The following LCLAT1 variants were observed in gnomAD, a reference collection of about 807,000 sequenced individuals.
LCLAT1 encodes the protein lysocardiolipin acyltransferase 1, also known as 1-AGP acyltransferase 8.
A neutral mutation model predicts 30.7 loss-of-function variants in LCLAT1; 11 were observed. That is an observed-to-expected ratio of 0.36 (90% CI 0.23 to 0.59). LCLAT1 has a LOEUF of 0.59. LCLAT1 is among the 20% of genes least tolerant of loss of function. The probability of loss-of-function intolerance (pLI) is 0.77; values close to 1 mark genes in which losing one functional copy is unlikely to be tolerated. For missense variants in LCLAT1, 402 were observed against 458.6 expected (o/e 0.88, Z 1.13); for synonymous variants, 155 against 151.3 (o/e 1.02, Z -0.18).
chr2:30,568,981 T>C (rs933205734), intron 5 of LCLAT1, among the ~76,000 whole-genome samples: 2 of 151,480 alleles, frequency 1.3e-5, no homozygotes, highest in Non-Finnish European at 2.9e-5. Flanking sequence ...TAGAGAAATA[T>C]AACGATCTGA....
At chr2:30,573,772 ATCT>A (rs1665881895) in intron 5 of LCLAT1, among the ~76,000 whole-genome samples, 1 of 152,068 alleles carries the variant, frequency 6.6e-6, no homozygotes, top group South Asian at 2.1e-4. Context: ...TTAGTTGTTT[ATCT>A]TCTTCACTGT....
Position 30,568,099 on chromosome 2 carries a change from ATGGAC to A in LCLAT1, c.553_557del (p.Gly185SerfsTer4). ...CGAAGTAATGCATTTGCTGAAAAAA[ATGGAC>A]TTCAGAAATATGAATATGTTTTACA... On this transcript the variant is annotated frameshift_variant, in exon 5 of 6. Transcript: ENST00000379509. LOFTEE classifies it high-confidence loss of function. 1 of 1,607,390 alleles carries A rather than the reference ATGGAC, an allele frequency of 6.2e-7. No homozygotes were observed. The highest frequency in any genetic ancestry group is 8.5e-7 in the Non-Finnish European group (1 of 1,175,930).
At chr2:30,532,983 A>G (rs548005399) in intron 2 of LCLAT1, 133 bp from the exon 3 acceptor site, 1 of 654,478 alleles carries the variant, frequency 1.5e-6, no homozygotes, top group Admixed American at 2.8e-5. Context: ...ATTTTTTATT[A>G]TAGAAGCAAG....
chr2:30,572,325 A>G (rs903276762), intron 5 of LCLAT1, among the ~76,000 whole-genome samples: 1 of 152,204 alleles, frequency 6.6e-6, no homozygotes, highest in African/African-American at 2.4e-5. Context: ...ACACTTATCA[A>G]GTTCTTCTTA....
chr2:30,581,686 T>C (rs1666218877), intron 5 of LCLAT1, among the ~76,000 whole-genome samples: 1 of 152,134 alleles, frequency 6.6e-6, no homozygotes, highest in South Asian at 2.1e-4. Flanking sequence ...ATGGTCTCAC[T>C]TATATGTGGA....
At chr2:30,583,843 T>C (rs1666309411) in intron 5 of LCLAT1, among the ~76,000 whole-genome samples, 1 of 152,110 alleles carries the variant, frequency 6.6e-6, no homozygotes, top group Non-Finnish European at 1.5e-5. Context: ...TTTGGTTTGG[T>C]TTTTTTCATG....
intron 5 of LCLAT1, among the ~76,000 whole-genome samples, chr2:30,596,536 G>A (rs2266377): frequency 0.86 from 130,523 of 151,032 alleles, 56,674 homozygotes; most frequent in East Asian, 0.94. Flanking sequence ...TTGACTCTGA[G>A]TATTAGACCT....
chr2:30,561,044 C>T (rs1434228978), intron 3 of LCLAT1, among the ~76,000 whole-genome samples: 1 of 152,186 alleles, frequency 6.6e-6, no homozygotes, highest in Non-Finnish European at 1.5e-5. Flanking sequence ...CGGGTTCAAG[C>T]GATTCTCCTG....
intron 5 of LCLAT1, among the ~76,000 whole-genome samples, chr2:30,616,774 C>G (rs548106254): frequency 9.2e-5 from 14 of 151,448 alleles, no homozygotes; most frequent in African/African-American, 3.4e-4. Context: ...AAAAGCTTGT[C>G]GGATATGTTA....
intron 5 of LCLAT1, among the ~76,000 whole-genome samples, chr2:30,579,058 C>G (rs1349045165): frequency 6.6e-6 from 1 of 152,092 alleles, no homozygotes; most frequent in African/African-American, 2.4e-5. Context: ...GAAAGGGTCT[C>G]TGTTGCCACG....
At chr2:30,551,209 A>C (rs1664661965) in intron 3 of LCLAT1, among the ~76,000 whole-genome samples, 1 of 152,080 alleles carries the variant, frequency 6.6e-6, no homozygotes, top group Non-Finnish European at 1.5e-5. Flanking sequence ...GTATCGCTAC[A>C]TTGCCCAGGT....
rs1397615940 is a variant in LCLAT1 at position 30,614,119 on chromosome 2, C to T, written c.629-25998C>T. ...GAAACCTTGGACAATACCTGGCTTT[C>T]CTAGGCAGAGGTCCCTGCGGCCTTC... is the stretch of plus-strand genomic sequence containing the variant. On this transcript the variant is annotated intron_variant, in intron 5 of 5. Coordinates refer to ENST00000379509, the MANE Select transcript of LCLAT1 (RefSeq NM_001002257.3). Among the ~76,000 whole-genome samples, 241 of 25,796 alleles carry T rather than the reference C, an allele frequency of 9.3e-3. 6 individuals are homozygous for T. Among genetic ancestry groups the T allele is most frequent in the African/African-American group, 0.037 (221 of 6,054 alleles). The allele number at this position is 25,796 out of a possible 152,430, so 16.9% of individuals were successfully genotyped here.
intron 3 of LCLAT1, among the ~76,000 whole-genome samples, chr2:30,554,483 G>T (rs1298193052): frequency 1.3e-5 from 2 of 152,208 alleles, no homozygotes; most frequent in East Asian, 3.8e-4. Context: ...TCTGGTGTCA[G>T]ACTGCCTGTG....
At chr2:30,459,753 G>T in intron 1 of LCLAT1, 1 of 1,479,488 alleles carries the variant, frequency 6.8e-7, no homozygotes, top group Non-Finnish European at 9.4e-7. Flanking sequence ...AGATGCTTGA[G>T]GTTTTTGTCT....
At chr2:30,634,348 A>G (rs1314216155) in intron 5 of LCLAT1, among the ~76,000 whole-genome samples, 1 of 152,200 alleles carries the variant, frequency 6.6e-6, no homozygotes, top group Non-Finnish European at 1.5e-5. Flanking sequence ...CCATCTGGCC[A>G]TGCGCGGCGG....
chr2:30,618,206 G>C (rs866655459), intron 5 of LCLAT1, among the ~76,000 whole-genome samples: 1 of 152,038 alleles, frequency 6.6e-6, no homozygotes, highest in Non-Finnish European at 1.5e-5. Flanking sequence ...CTAATGCCAA[G>C]CCTCCATCTT....
intron 3 of LCLAT1, 32 bp from the exon 4 acceptor site, chr2:30,562,114 A>G (rs764465122): frequency 5.2e-6 from 8 of 1,524,796 alleles, no homozygotes; most frequent in East Asian, 2.3e-5. Flanking sequence ...CAATAAAATT[A>G]TAGGTAAATT....
intron 1 of LCLAT1, among the ~76,000 whole-genome samples, chr2:30,485,142 G>C (rs1683502035): frequency 6.6e-6 from 1 of 152,086 alleles, no homozygotes; most frequent in Non-Finnish European, 1.5e-5. Context: ...AAAGCATTGT[G>C]ATAAGAGATA....
At chr2:30,639,354 C>CTT (rs373683291) in intron 5 of LCLAT1, among the ~76,000 whole-genome samples, 1 of 141,706 alleles carries the variant, frequency 7.1e-6, no homozygotes, top group African/African-American at 2.6e-5. Context: ...ACTTGACTGT[C>CTT]TATCTCCAGC....
Sources: allele counts gnomAD v4.1 joint callset (sites outside exome capture counted in the v4.1 genomes callset), GRCh38; gene constraint gnomAD v4.1.1; transcripts MANE v1.5; gene names NCBI Gene and HGNC (gene_info 2026-07-23, HGNC 2026-07-21).